PHF12: variants seen among roughly 807,000 people sequenced by gnomAD.
The protein encoded by PHF12 is PHD finger protein 12.
PHF12 carries 6 observed loss-of-function variants against 99.8 expected under a neutral mutation model. The observed-to-expected ratio is 0.06, with a 90% confidence interval of 0.03 to 0.12. PHF12 has a LOEUF of 0.12. PHF12 is among the 10% of genes least tolerant of loss of function. The pLI is 1.00. For synonymous variants in PHF12, 480 were observed against 514.9 expected (o/e 0.93, Z 0.92); for missense variants, 954 against 1,300.1 (o/e 0.73, Z 4.09).
rs62068965 is a variant in PHF12, at chr17:28,943,171, C to T, written c.248+6894G>A. Among the ~76,000 whole-genome samples, 1,342 of 152,232 alleles carry T rather than the reference C, an allele frequency of 8.8e-3. 10 individuals carry two copies. The highest frequency in any genetic ancestry group is 0.014 in the Non-Finnish European group (978 of 68,024). ...GAAGGCAGAAAATAACAAGTGTTGT[C>T]AAGGAAGTGGAGAAATTAGAACCCT... On this transcript the variant is annotated intron_variant, in intron 2 of 14. Coordinates refer to ENST00000332830, the MANE Select transcript of PHF12 (RefSeq NM_001033561.2).
At chr17:28,938,737 C>T (rs1306468221) in intron 2 of PHF12, among the ~76,000 whole-genome samples, 1 of 152,170 alleles carries the variant, frequency 6.6e-6, no homozygotes, top group African/African-American at 2.4e-5. Flanking sequence ...AGCTCCCCAC[C>T]CTACAGGACT....
At chr17:28,913,770 A>C (rs1291005368) in intron 8 of PHF12, 109 bp downstream of exon 8, 1 of 1,430,170 alleles carries the variant, frequency 7.0e-7, no homozygotes, top group Non-Finnish European at 9.5e-7. Context: ...GGTTAGGATG[A>C]GGGTGGGTGG....
At chr17:28,943,715 A>ACACCAAAAAGTAGAAACTACC (rs2040665822) in intron 2 of PHF12, among the ~76,000 whole-genome samples, 3 of 152,226 alleles carry the variant, frequency 2.0e-5, no homozygotes, top group Non-Finnish European at 4.4e-5. Flanking sequence ...ATTATTTACA[A>ACACCAAAAAGTAGAAACTACC]CACCAAAAAG....
Position 28,951,402 on chromosome 17 carries a change from G to A in PHF12, c.-442C>T. 5.1e-6 allele frequency: 5 copies of A among 987,934 alleles called. No homozygotes were observed. Among genetic ancestry groups the A allele is most frequent in the Non-Finnish European group, 6.0e-6 (5 of 831,586 alleles). The allele number at this position is 987,934 out of a possible 1,614,324, so 61.2% of individuals were successfully genotyped here. The stretch of plus-strand genomic sequence containing the variant: ...GGGAGGGTGATGGGGGGTGGTCCCC[G>A]GGCTCCGCCTCTCGCCGCCGCCGCC... On this transcript the variant is annotated 5_prime_UTR_variant, in exon 1 of 15. Coordinates refer to ENST00000332830, the MANE Select transcript of PHF12 (RefSeq NM_001033561.2).
intron 3 of PHF12, chr17:28,924,636 T>C: frequency 1.7e-5 from 6 of 361,056 alleles, no homozygotes; most frequent in South Asian, 1.4e-4. Flanking sequence ...ACAGTGAGAA[T>C]AAATTTAGTG....
Position 28,913,992 on chromosome 17 carries a change from T to C in PHF12, c.1180A>G (p.Ile394Val), listed in dbSNP as rs2040015975. The C allele has an allele frequency of 2.5e-6, 4 of 1,613,230 alleles. No homozygotes were observed. Among genetic ancestry groups the C allele is most frequent in the Non-Finnish European group, 3.4e-6 (4 of 1,179,432 alleles). The change falls in exon 8 of 15, where the codon ATT becomes GTT. Residue 394 changes from isoleucine (I) to valine (V), a missense_variant. Ile to Val is a conservative substitution (Grantham distance 29). Coordinates refer to ENST00000332830, the MANE Select transcript of PHF12 (RefSeq NM_001033561.2). The stretch of plus-strand genomic sequence containing the variant: ...CCGTCCCGAATGGCCGCGGGTGCAA[T>C]GAGAGGGGGTGGAAACTGGTACTGA... ...KSQYQFPPPLIAPAAIRDGEL... is the reference protein window; with the variant it reads ...KSQYQFPPPLVAPAAIRDGEL...
At chr17:28,937,973 G>A (rs982669852) in intron 2 of PHF12, among the ~76,000 whole-genome samples, 7 of 152,182 alleles carry the variant, frequency 4.6e-5, no homozygotes, top group African/African-American at 1.4e-4. Flanking sequence ...CATTCCATTG[G>A]AAGGAAGAAC....
intron 3 of PHF12, chr17:28,925,454 T>C (rs1432223779): frequency 1.3e-5 from 2 of 152,272 alleles, no homozygotes; most frequent in African/African-American, 4.8e-5. Flanking sequence ...TCCACTTCAG[T>C]GTAAATACAA....
rs2039912800 is a variant in PHF12 at position 28,908,813 on chromosome 17, T to C, written c.2428A>G (p.Met810Val). Residue 810 changes from methionine to valine, a missense_variant, in exon 12 of 15, where the codon ATG (methionine) becomes GTG (valine). Coordinates refer to ENST00000332830, the MANE Select transcript of PHF12 (RefSeq NM_001033561.2). ...PLLGLGGAVNMCYRTLYIGTG... is the reference protein window; with the variant it reads ...PLLGLGGAVNVCYRTLYIGTG... The stretch of plus-strand genomic sequence containing the variant: ...CCGATGTAGAGGGTTCGATAGCACA[T>C]GTTCACAGCTCCTCCCAACCCTAAG... 2 of 1,613,902 alleles carry C rather than the reference T, an allele frequency of 1.2e-6. No homozygotes were observed. Among genetic ancestry groups the C allele is most frequent in the Non-Finnish European group, 8.5e-7 (1 of 1,179,968 alleles).
In PHF12 at chr17:28,906,848, C is replaced by A. The variant is rs1396924427; in HGVS notation, c.2680+8G>T. ...GCTTTGTGGCCACAGATCTCTGCTC[C>A]AACTTACTGATGACACTCTGCACTT... is the stretch of plus-strand genomic sequence containing the variant. On this transcript the variant is annotated splice_region_variant and intron_variant, in intron 14 of 14. Coordinates refer to ENST00000332830, the MANE Select transcript of PHF12 (RefSeq NM_001033561.2). This position sits in a 1 kb window ranked among gnomAD's most constrained non-coding sequence, Gnocchi z 4.2. 1.3e-6 allele frequency: 2 copies of A among 1,591,090 alleles called. No homozygotes were observed. The highest frequency in any genetic ancestry group is 1.3e-5 in the African/African-American group (1 of 74,210).
chr17:28,938,636 A>C (rs934900544), intron 2 of PHF12, among the ~76,000 whole-genome samples: 3 of 152,140 alleles, frequency 2.0e-5, no homozygotes, highest in African/African-American at 7.2e-5. Flanking sequence ...AGTGAGAATA[A>C]TACTATTTGG....
At position 28,950,753 on chromosome 17, in the gene PHF12, G is replaced by T. The variant is rs2040795718; in HGVS notation, c.66+142C>A. 1 of 1,231,424 alleles carries T rather than the reference G, an allele frequency of 8.1e-7. No homozygotes were observed. Among genetic ancestry groups the T allele is most frequent in the Non-Finnish European group, 1.1e-6 (1 of 915,128 alleles). 76.3% of individuals were successfully genotyped at this position (1,231,424 alleles called of 1,614,324 possible). On this transcript the variant is annotated intron_variant, in intron 1 of 14. Transcript: ENST00000332830. This position sits in a 1 kb window ranked among gnomAD's most constrained non-coding sequence, Gnocchi z 5.7. ...TGAGCTCAGCCCCCTAAATTGCAAA[G>T]AGGGGAGGGAGAGGCTAGGTGAGGA...
At chr17:28,924,589 A>T (rs1598139118) in intron 3 of PHF12, 3 of 471,616 alleles carry the variant, frequency 6.4e-6, no homozygotes, top group South Asian at 4.2e-5. Context: ...GACATACAAC[A>T]TCTATAAAGT....
chr17:28,950,980 G>C lies in PHF12; in HGVS notation c.-20C>G, dbSNP rs925890957. On this transcript the variant is annotated 5_prime_UTR_variant, in exon 1 of 15. Coordinates refer to ENST00000332830, the MANE Select transcript of PHF12 (RefSeq NM_001033561.2). This position sits in a 1 kb window ranked among gnomAD's most constrained non-coding sequence, Gnocchi z 5.7. ...CCACATTCATCCACCTCCCGGGCTG[G>C]GTGCTCTCTGCTCCGGCCCCCCCAA... 6.2e-7 allele frequency: 1 copy of C among 1,613,612 alleles called. No individual in the cohort carries two copies. Among genetic ancestry groups the C allele is most frequent in the East Asian group, 2.2e-5 (1 of 44,840 alleles).
intron 2 of PHF12, among the ~76,000 whole-genome samples, chr17:28,946,386 G>A (rs1253205506): frequency 1.3e-5 from 2 of 152,164 alleles, no homozygotes; most frequent in Non-Finnish European, 2.9e-5. Flanking sequence ...AGTCTAACTG[G>A]GAAGAGATGA....
At chr17:28,930,136 CT>C (rs2040369251) in intron 2 of PHF12, among the ~76,000 whole-genome samples, 1 of 152,224 alleles carries the variant, frequency 6.6e-6, no homozygotes, top group African/African-American at 2.4e-5. Context: ...ACAGACCATA[CT>C]GTTTCTCATC....
chr17:28,921,650 A>G, intron 5 of PHF12, 38 bp downstream of exon 5: 1 of 1,606,812 alleles, frequency 6.2e-7, no homozygotes, highest in South Asian at 1.1e-5. Flanking sequence ...TCATCTGCTA[A>G]ATAATGAGAA....
chr17:28,945,979 C>G (rs1270462117), intron 2 of PHF12, among the ~76,000 whole-genome samples: 1 of 152,112 alleles, frequency 6.6e-6, no homozygotes, highest in African/African-American at 2.4e-5. Context: ...ACTAAAAATA[C>G]AAGAAAATTA....
chr17:28,936,254 C>T (rs1330910211), intron 2 of PHF12, among the ~76,000 whole-genome samples: 1 of 152,096 alleles, frequency 6.6e-6, no homozygotes, highest in Non-Finnish European at 1.5e-5. Flanking sequence ...CCTGTTGCTC[C>T]ACAGCACCAT....
Sources: gnomAD v4.1 joint callset for allele counts (sites outside exome capture counted in the v4.1 genomes callset) on GRCh38, gnomAD v4.1.1 for gene constraint, Gnocchi (gnomAD v3.1) non-coding constraint, MANE v1.5 for transcripts, NCBI Gene and HGNC (gene_info 2026-07-23, HGNC 2026-07-21) for gene names.